The following SYT7 variants were observed in gnomAD, a reference collection of about 807,000 sequenced individuals.
SYT7 encodes the protein synaptotagmin 7.
SYT7 carries 29 observed loss-of-function variants against 75.1 expected under a neutral mutation model. That is an observed-to-expected ratio of 0.39 (90% CI 0.29 to 0.53). The LOEUF is 0.53. SYT7 is among the 20% of genes least tolerant of loss of function. The pLI is 0.77. For missense variants in SYT7, 693 were observed against 953.2 expected (o/e 0.73, Z 3.59); for synonymous variants, 376 against 401.7 (o/e 0.94, Z 0.76).
intron 3 of SYT7, among the ~76,000 whole-genome samples, chr11:61,549,195 T>C (rs747057380): frequency 3.4e-4 from 52 of 151,750 alleles, no homozygotes; most frequent in Non-Finnish European, 6.3e-4. Context: ...CCACCCAGAG[T>C]CACCACTGCC....
intron 1 of SYT7, among the ~76,000 whole-genome samples, chr11:61,558,103 C>G (rs2063542359): frequency 6.6e-6 from 1 of 152,212 alleles, no homozygotes; most frequent in Non-Finnish European, 1.5e-5. Context: ...TTGTTTAACT[C>G]ACTTTGAAAT....
At chr11:61,585,260 A>AC (rs1367501409), upstream of SYT7, among the ~76,000 whole-genome samples, 1 of 146,172 alleles carries the variant, frequency 6.8e-6, no homozygotes, top group African/African-American at 2.6e-5. Flanking sequence ...CCCTACCCCC[A>AC]CCCCCTTGGC....
At chr11:61,519,166 G>A (rs2062231689) in intron 12 of SYT7, among the ~76,000 whole-genome samples, 1 of 152,218 alleles carries the variant, frequency 6.6e-6, no homozygotes, top group African/African-American at 2.4e-5. Flanking sequence ...TCCTACAACT[G>A]TGAGGTAGGA....
At chr11:61,547,124 A>G (rs1590891996) in intron 4 of SYT7, 53 bp downstream of exon 4, 1 of 1,523,174 alleles carries the variant, frequency 6.6e-7, no homozygotes, top group East Asian at 2.5e-5. Flanking sequence ...GGAGGGAAGG[A>G]GGGCGTGCGC....
intron 1 of SYT7, among the ~76,000 whole-genome samples, chr11:61,558,485 T>TATACACACACACACAC (rs1555015803): frequency 2.2e-5 from 3 of 137,448 alleles, no homozygotes; most frequent in African/African-American, 9.3e-5. Context: ...AATATATATA[T>TATACACACACACACAC]ACACACACAC....
chr11:61,533,732 C>T (rs2062780826), intron 7 of SYT7: 1 of 930,280 alleles, frequency 1.1e-6, no homozygotes, highest in Non-Finnish European at 1.3e-6. Flanking sequence ...GGAGCAGCCA[C>T]ATGCCACACG....
intron 1 of SYT7, among the ~76,000 whole-genome samples, chr11:61,556,643 A>T (rs561414395): frequency 1.3e-5 from 2 of 151,950 alleles, no homozygotes; most frequent in East Asian, 1.9e-4. Context: ...TGACACACAC[A>T]CTCTGAGTTG....
At chr11:61,565,510 T>C (rs563941415) in intron 1 of SYT7, among the ~76,000 whole-genome samples, 4 of 152,322 alleles carry the variant, frequency 2.6e-5, no homozygotes, top group African/African-American at 9.6e-5. Flanking sequence ...CTCTTTCCAC[T>C]GTAAGACTCT....
upstream of SYT7, among the ~76,000 whole-genome samples, chr11:61,585,099 G>T (rs955024608): frequency 6.6e-6 from 1 of 152,204 alleles, no homozygotes; most frequent in African/African-American, 2.4e-5. Flanking sequence ...TCCCTCAGGA[G>T]CAGATGCTGG....
At chr11:61,564,943 G>A (rs551206519) in intron 1 of SYT7, among the ~76,000 whole-genome samples, 3 of 152,304 alleles carry the variant, frequency 2.0e-5, no homozygotes, top group African/African-American at 7.2e-5. Flanking sequence ...GTCTAGGAGT[G>A]GGAAGAGGAG....
intron 6 of SYT7, chr11:61,540,809 A>G (rs1391942272): frequency 1.0e-6 from 1 of 985,352 alleles, no homozygotes; most frequent in Non-Finnish European, 1.2e-6. Context: ...ACGCAGACCC[A>G]ATTCCCTCGA....
chr11:61,576,918 CTG>C lies in SYT7; in HGVS notation c.31+3870_31+3871del, dbSNP rs2064099012. Among the ~76,000 whole-genome samples the C allele has an allele frequency of 6.6e-6, 1 of 152,150 alleles. No individual in the cohort carries two copies. The highest frequency in any genetic ancestry group is 1.5e-5 in the Non-Finnish European group (1 of 68,016). On this transcript the variant is annotated intron_variant, in intron 1 of 12. Coordinates refer to ENST00000539008, the MANE Select transcript of SYT7 (RefSeq NM_001365809.2). This position sits in a 1 kb window ranked among gnomAD's most constrained non-coding sequence, Gnocchi z 4.1. ...GGAGCAGAACCCAGCTGCCCAGGGC[CTG>C]TCTTTGCTCACCCAGCACCCACCTA... is the stretch of plus-strand genomic sequence containing the variant.
At chr11:61,561,260 C>G (rs12278804) in intron 1 of SYT7, among the ~76,000 whole-genome samples, 3,832 of 152,268 alleles carry the variant, frequency 0.025, 72 homozygotes, top group African/African-American at 0.042. Context: ...CAAGGGCAGA[C>G]AGGCAACATC....
At chr11:61,564,327 A>G (rs1019436231) in intron 1 of SYT7, among the ~76,000 whole-genome samples, 4 of 152,084 alleles carry the variant, frequency 2.6e-5, no homozygotes, top group South Asian at 2.1e-4. Flanking sequence ...AGCCCTCCCA[A>G]CCTAGACTGC....
In SYT7 at chr11:61,517,376, G is replaced by C. The variant is rs552505153; in HGVS notation, c.*1251C>G. 2 of 398,656 alleles carry C rather than the reference G, an allele frequency of 5.0e-6. No homozygotes were observed. The highest frequency in any genetic ancestry group is 8.8e-6 in the Non-Finnish European group (2 of 226,174). The allele number at this position is 398,656 out of a possible 1,614,324, so 24.7% of individuals were successfully genotyped here. ...TCCCTGCCTCCTTTCCCTGCACTGTGAGTGAGTCGGGCAGAAGGAGCTGCT... is the reference window on the plus strand; with the variant it reads ...TCCCTGCCTCCTTTCCCTGCACTGTCAGTGAGTCGGGCAGAAGGAGCTGCT... On this transcript the variant is annotated 3_prime_UTR_variant, in exon 13 of 13. Transcript: ENST00000539008.
intron 7 of SYT7, among the ~76,000 whole-genome samples, chr11:61,537,546 A>T (rs2062902300): frequency 6.6e-6 from 1 of 152,128 alleles, no homozygotes; most frequent in Admixed American, 6.5e-5. Context: ...GGCTGCCTGC[A>T]CCGCTCCGGG....
rs2063204013 is a variant in SYT7 at position 61,546,768 on chromosome 11, C to T, written c.347+409G>A. On this transcript the variant is annotated intron_variant, in intron 4 of 12. Coordinates refer to ENST00000539008, the MANE Select transcript of SYT7 (RefSeq NM_001365809.2). The surrounding 1 kb of genome is among the most constrained non-coding windows in gnomAD (Gnocchi z 7.6). The stretch of plus-strand genomic sequence containing the variant: ...CGCCACCACCGCCACGAACCACCGA[C>T]CACCGACCACCGACCACCGAGCAGC... 1 of 390,264 alleles carries T rather than the reference C, an allele frequency of 2.6e-6. No homozygotes were observed. The highest frequency in any genetic ancestry group is 2.1e-5 in the African/African-American group (1 of 47,034). The allele number at this position is 390,264 out of a possible 1,614,324, so 24.2% of individuals were successfully genotyped here. A position where few individuals can be genotyped will look rare whatever the true frequency, so the allele number is the denominator to read the frequency against.
At chr11:61,518,841 C>G in intron 12 of SYT7, 110 bp from the exon 13 acceptor site, 1 of 671,800 alleles carries the variant, frequency 1.5e-6, no homozygotes, top group Non-Finnish European at 2.3e-6. Flanking sequence ...CTGTGGCCCC[C>G]CAGCCTCCAC....
chr11:61,545,558 CT>C (rs1187312875), intron 5 of SYT7, among the ~76,000 whole-genome samples: 1 of 152,258 alleles, frequency 6.6e-6, no homozygotes, highest in African/African-American at 2.4e-5. Context: ...AATGGCTCAA[CT>C]TCTGGGTCTA....
Sources: allele counts gnomAD v4.1 joint callset (sites outside exome capture counted in the v4.1 genomes callset), GRCh38; gene constraint gnomAD v4.1.1; non-coding constraint Gnocchi (gnomAD v3.1); transcripts MANE v1.5; gene names NCBI Gene and HGNC (gene_info 2026-07-23, HGNC 2026-07-21).